The following CRYBG3 variants were observed in gnomAD, a reference collection of about 807,000 sequenced individuals.
CRYBG3 encodes very large A-kinase anchor protein.
A neutral mutation model predicts 244.2 loss-of-function variants in CRYBG3; 127 were observed. That is an observed-to-expected ratio of 0.52 (90% CI 0.45 to 0.60). CRYBG3 has a LOEUF of 0.60. Ranked by LOEUF, CRYBG3 falls within the 20% of genes least tolerant of loss-of-function variation. The probability of loss-of-function intolerance (pLI) is 0.00; values close to 1 mark genes in which losing one functional copy is unlikely to be tolerated. For missense variants in CRYBG3, 3,325 were observed against 3,442.5 expected (o/e 0.97, Z 0.85); for synonymous variants, 1,132 against 1,195.8 (o/e 0.95, Z 1.10).
chr3:97,867,363 A>G (rs1054699082), intron 3 of CRYBG3, among the ~76,000 whole-genome samples: 3 of 152,228 alleles, frequency 2.0e-5, no homozygotes, highest in Non-Finnish European at 2.9e-5. Context: ...GATAATTGTC[A>G]TATTTTCCTA....
chr3:97,876,348 C>T lies in CRYBG3; in HGVS notation c.5154C>T (p.Tyr1718=). ...TTACATTAGCAATGGAAAATACTTACCAAAAGGATGCTGAAGGGGATATTG... is the reference window on the plus strand; with the variant it reads ...TTACATTAGCAATGGAAAATACTTATCAAAAGGATGCTGAAGGGGATATTG... ...IPVTLAMENT[Y]QKDAEGDIGK... Residue 1718 remains tyrosine (Y), a synonymous_variant, in exon 4 of 22, where the codon TAC becomes TAT. Transcript: ENST00000389622. 4 of 1,231,738 alleles carry T rather than the reference C, an allele frequency of 3.2e-6. No individual in the cohort carries two copies. The highest frequency in any genetic ancestry group is 4.0e-6 in the Non-Finnish European group (4 of 987,896). 76.3% of individuals were successfully genotyped at this position (1,231,738 alleles called of 1,614,324 possible). A position where few individuals can be genotyped will look rare whatever the true frequency, so the allele number is the denominator to read the frequency against.
chr3:97,845,760 T>C (rs2038891878), intron 2 of CRYBG3, among the ~76,000 whole-genome samples: 1 of 152,224 alleles, frequency 6.6e-6, no homozygotes, highest in Non-Finnish European at 1.5e-5. Flanking sequence ...CTACTATCCC[T>C]CCATCTTCAC....
At chr3:97,855,479 G>A (rs574270332) in intron 2 of CRYBG3, among the ~76,000 whole-genome samples, 1 of 151,618 alleles carries the variant, frequency 6.6e-6, no homozygotes, top group African/African-American at 2.4e-5. Context: ...GCTTTTCTTT[G>A]TTGGGAGACT....
intron 15 of CRYBG3, among the ~76,000 whole-genome samples, chr3:97,906,194 GTTC>G (rs1417686614): frequency 2.0e-5 from 3 of 146,640 alleles, no homozygotes; most frequent in Non-Finnish European, 4.5e-5. Flanking sequence ...CTCCAGCTTT[GTTC>G]TTTTGGCTTA....
At chr3:97,857,486 A>G (rs2039083464) in intron 2 of CRYBG3, among the ~76,000 whole-genome samples, 1 of 140,424 alleles carries the variant, frequency 7.1e-6, no homozygotes, top group Non-Finnish European at 1.5e-5. Flanking sequence ...CCCAGCTATT[A>G]TTATATTGGG....
intron 1 of CRYBG3, among the ~76,000 whole-genome samples, chr3:97,828,272 T>A (rs969811331): frequency 6.6e-6 from 1 of 152,190 alleles, no homozygotes; most frequent in Non-Finnish European, 1.5e-5. Flanking sequence ...CAGATTCACA[T>A]ACTCAGCATT....
At position 97,886,699 on chromosome 3, in the gene CRYBG3, G is replaced by A. The variant is rs886487799; in HGVS notation, c.7221G>A (p.Gln2407=). The A allele has an allele frequency of 6.8e-6, 11 of 1,612,730 alleles. No homozygotes were observed. Among genetic ancestry groups the A allele is most frequent in the Non-Finnish European group, 9.3e-6 (11 of 1,179,416 alleles). The change falls in exon 8 of 22, where the codon CAG becomes CAA. Residue 2407 remains glutamine, a synonymous_variant. Transcript: ENST00000389622. ...SDPACCPVYI[Q]RAVPNLEELN... ...CAGCCTGTTGTCCTGTCTACATACA[G>A]AGAGCAGTCCCCAATTTGGAAGAAC...
Position 97,822,317 on chromosome 3 carries a change from G to A in CRYBG3, c.111G>A (p.Gly37=). 6.6e-7 allele frequency: 1 copy of A among 1,517,716 alleles called. No homozygotes were observed. Among genetic ancestry groups the A allele is most frequent in the Non-Finnish European group, 8.8e-7 (1 of 1,138,316 alleles). 94.0% of individuals were successfully genotyped at this position (1,517,716 alleles called of 1,614,324 possible). A position where few individuals can be genotyped will look rare whatever the true frequency, so the allele number is the denominator to read the frequency against. The change falls in exon 1 of 22, where the codon GGG becomes GGA. Residue 37 remains glycine, a synonymous_variant. Transcript: ENST00000389622. ...DKEEEEEERP[G]TSPPPAPGRS... The stretch of plus-strand genomic sequence containing the variant: ...AAGAGGAAGAGGAGGAGAGGCCGGG[G>A]ACGAGCCCGCCTCCAGCTCCAGGCC...
chr3:97,860,636 A>T (rs2039132240), intron 2 of CRYBG3, among the ~76,000 whole-genome samples: 1 of 151,358 alleles, frequency 6.6e-6, no homozygotes, highest in African/African-American at 2.4e-5. Flanking sequence ...TGAGGAAGAT[A>T]GTCCTCATCT....
At chr3:97,898,405 C>T (rs939806586) in intron 12 of CRYBG3, among the ~76,000 whole-genome samples, 2 of 152,058 alleles carry the variant, frequency 1.3e-5, no homozygotes, top group Non-Finnish European at 2.9e-5. Flanking sequence ...TGTTGACTCA[C>T]TATAAATTTT....
chr3:97,828,999 G>C (rs2038617175), intron 1 of CRYBG3, among the ~76,000 whole-genome samples: 1 of 152,056 alleles, frequency 6.6e-6, no homozygotes, highest in African/African-American at 2.4e-5. Flanking sequence ...CTGAGTGAAG[G>C]GATGAGAGGC....
chr3:97,872,739 C>G lies in CRYBG3; in HGVS notation c.1545C>G (p.Ala515=). 1 of 1,535,826 alleles carries G rather than the reference C, an allele frequency of 6.5e-7. No individual in the cohort carries two copies. The highest frequency in any genetic ancestry group is 2.0e-5 in the Admixed American group (1 of 50,980). The change falls in exon 4 of 22, where the codon GCC becomes GCG. Residue 515 remains alanine (A), a synonymous_variant. Coordinates refer to ENST00000389622, the MANE Select transcript of CRYBG3 (RefSeq NM_153605.4). ...EFVNEGKRLS[A]QDSQKNVAVR... is the part of the protein sequence containing the mutation. The stretch of plus-strand genomic sequence containing the variant: ...TAAATGAAGGAAAGAGATTGTCTGC[C>G]CAAGACTCACAGAAAAATGTGGCTG...
At chr3:97,845,449 A>G (rs770333578) in intron 2 of CRYBG3, among the ~76,000 whole-genome samples, 37 of 152,224 alleles carry the variant, frequency 2.4e-4, no homozygotes, top group Non-Finnish European at 4.8e-4. Flanking sequence ...GGCTACTTCT[A>G]ACATTTACAT....
At chr3:97,843,559 A>T (rs2038853701) in intron 2 of CRYBG3, among the ~76,000 whole-genome samples, 1 of 152,180 alleles carries the variant, frequency 6.6e-6, no homozygotes, top group Admixed American at 6.5e-5. Flanking sequence ...CTAATCTGTA[A>T]GTCAGATCAC....
intron 17 of CRYBG3, among the ~76,000 whole-genome samples, chr3:97,922,665 GA>G (rs1252771758): frequency 3.3e-5 from 5 of 152,074 alleles, no homozygotes; most frequent in Admixed American, 6.5e-5. Flanking sequence ...TTAGAATGAC[GA>G]TCATTAAAAA....
chr3:97,911,596 A>G (rs922182998), intron 15 of CRYBG3, among the ~76,000 whole-genome samples: 2 of 152,186 alleles, frequency 1.3e-5, no homozygotes, highest in African/African-American at 4.8e-5. Context: ...TCTTCCACTA[A>G]TCCCGTCATT....
At chr3:97,858,549 A>T (rs10935119) in intron 2 of CRYBG3, among the ~76,000 whole-genome samples, 5,097 of 152,048 alleles carry the variant, frequency 0.034, 278 homozygotes, top group African/African-American at 0.12. Context: ...GGATCATTTT[A>T]AAAAGCCTTT....
chr3:97,866,951 CCA>C (rs2039240311), intron 3 of CRYBG3: 1 of 152,104 alleles, frequency 6.6e-6, no homozygotes, highest in South Asian at 2.1e-4. Flanking sequence ...TTTGAAAATC[CCA>C]CAGTTTACCA....
Position 97,941,143 on chromosome 3 carries a change from C to A in CRYBG3, c.8506-5C>A. The A allele has an allele frequency of 6.3e-7, 1 of 1,597,690 alleles. No homozygotes were observed. Among genetic ancestry groups the A allele is most frequent in the South Asian group, 1.1e-5 (1 of 88,244 alleles). ...ATTTCTAAATGGCTGTTTCTCCTGT[C>A]ATAGCCTGCAGTGTACATCAGAATA... On this transcript the variant is annotated splice_polypyrimidine_tract_variant and splice_region_variant and intron_variant, in intron 19 of 21. Transcript: ENST00000389622.
Sources: allele counts gnomAD v4.1 joint callset (sites outside exome capture counted in the v4.1 genomes callset), GRCh38; gene constraint gnomAD v4.1.1; transcripts MANE v1.5; gene names NCBI Gene and HGNC (gene_info 2026-07-23, HGNC 2026-07-21).